GRID2: variants seen among roughly 807,000 people sequenced by gnomAD.
GRID2 encodes glutamate receptor ionotropic, delta-2.
In GRID2, 33 loss-of-function variants were observed where a neutral mutation model predicts 114.8. That is an observed-to-expected ratio of 0.29 (90% CI 0.22 to 0.38). The LOEUF (loss-of-function observed/expected upper bound fraction) is 0.38. Ranked by LOEUF, GRID2 falls within the 10% of genes least tolerant of loss-of-function variation. The probability of loss-of-function intolerance (pLI) is 1.00; values close to 1 mark genes in which losing one functional copy is unlikely to be tolerated. For synonymous variants in GRID2, 505 were observed against 449.9 expected, an observed-to-expected ratio of 1.12 and a Z score of -1.55; for missense variants, 1,184 against 1,257.7, an observed-to-expected ratio of 0.94 and a Z score of 0.89.
chr4:92,350,075 C>T (rs965113908), intron 1 of GRID2, among the ~76,000 whole-genome samples: 4 of 151,860 alleles, frequency 2.6e-5, no homozygotes, highest in African/African-American at 4.8e-5. Flanking sequence ...TATAAGTGAC[C>T]GTAGGTCAGT....
At chr4:92,438,864 A>T (rs1340890070) in intron 1 of GRID2, among the ~76,000 whole-genome samples, 1 of 152,210 alleles carries the variant, frequency 6.6e-6, no homozygotes, top group African/African-American at 2.4e-5. Flanking sequence ...CCATGAAACA[A>T]TATCAACATT....
At chr4:92,352,215 G>A (rs1728102658) in intron 1 of GRID2, among the ~76,000 whole-genome samples, 1 of 151,394 alleles carries the variant, frequency 6.6e-6, no homozygotes, top group Non-Finnish European at 1.5e-5. Context: ...ATGGCATTGT[G>A]GTTTTGATTT....
In GRID2 at chr4:92,535,815, T is replaced by C. The variant is rs185745653; in HGVS notation, c.89-54316T>C. On this transcript the variant is annotated intron_variant, in intron 1 of 15. Coordinates refer to ENST00000282020, the MANE Select transcript of GRID2 (RefSeq NM_001510.4). ...GTTCTTAAAGATGGTGTGCCAGGAG[T>C]TTCTTCCTTTTGGCGGGTTCGTCGT... 9.2e-5 allele frequency among the ~76,000 whole-genome samples: 14 copies of C among 151,844 alleles called. No homozygotes were observed. The East Asian group carries it at 2.3e-3, about 25-fold the overall frequency.
chr4:92,786,343 C>G (rs992735650), intron 2 of GRID2, among the ~76,000 whole-genome samples: 7 of 151,710 alleles, frequency 4.6e-5, no homozygotes, highest in Non-Finnish European at 1.0e-4. Context: ...CAATATTTAT[C>G]GTGATATCTG....
chr4:93,260,349 A>T (rs1257544834), intron 8 of GRID2, among the ~76,000 whole-genome samples: 4 of 151,246 alleles, frequency 2.6e-5, no homozygotes, highest in Non-Finnish European at 5.9e-5. Context: ...TACATCTATT[A>T]GGCACATTGC....
chr4:92,887,590 T>C (rs973946557), intron 2 of GRID2, among the ~76,000 whole-genome samples: 1 of 152,166 alleles, frequency 6.6e-6, no homozygotes, highest in Admixed American at 6.5e-5. Flanking sequence ...AATTGCATGA[T>C]GGTTTTCATA....
At chr4:93,241,418 C>T (rs1281673615) in intron 8 of GRID2, among the ~76,000 whole-genome samples, 1 of 151,574 alleles carries the variant, frequency 6.6e-6, no homozygotes, top group East Asian at 1.9e-4. Flanking sequence ...ACCACTATAC[C>T]ACTATACTAC....
At chr4:92,963,939 G>A (rs962552031) in intron 2 of GRID2, among the ~76,000 whole-genome samples, 6 of 151,924 alleles carry the variant, frequency 3.9e-5, no homozygotes, top group African/African-American at 1.4e-4. Context: ...TGTGAATCTC[G>A]ATCAGAGCTC....
chr4:92,909,763 C>T (rs180773957), intron 2 of GRID2, among the ~76,000 whole-genome samples: 1 of 152,178 alleles, frequency 6.6e-6, no homozygotes, highest in Non-Finnish European at 1.5e-5. Flanking sequence ...AATTAAGCAC[C>T]TATTTTTAAA....
At chr4:93,315,114 G>A (rs1756448641) in intron 8 of GRID2, among the ~76,000 whole-genome samples, 2 of 152,108 alleles carry the variant, frequency 1.3e-5, no homozygotes, top group South Asian at 4.1e-4. Context: ...GAGAGAGCAT[G>A]TAAGTATGCA....
intron 4 of GRID2, among the ~76,000 whole-genome samples, chr4:93,170,920 C>T (rs1036654501): frequency 4.0e-5 from 6 of 151,628 alleles, no homozygotes; most frequent in African/African-American, 9.7e-5. Context: ...TAAATATACT[C>T]AGAAAATAAT....
chr4:92,504,009 C>A (rs1723826563), intron 1 of GRID2, among the ~76,000 whole-genome samples: 1 of 151,960 alleles, frequency 6.6e-6, no homozygotes, highest in Non-Finnish European at 1.5e-5. Context: ...ATTTATATAT[C>A]ATTTCAAGAC....
At chr4:92,821,265 TAAG>T (rs1241789851) in intron 2 of GRID2, among the ~76,000 whole-genome samples, 1 of 152,128 alleles carries the variant, frequency 6.6e-6, no homozygotes, top group Admixed American at 6.6e-5. Context: ...AATGCGACAT[TAAG>T]AAGCACACCA....
intron 14 of GRID2, among the ~76,000 whole-genome samples, chr4:93,638,299 A>ATTTTTTTTTTTTTTTTTT (rs1446023634): frequency 2.4e-4 from 20 of 84,124 alleles, no homozygotes; most frequent in Admixed American, 5.7e-4. Context: ...TAAAACTTGC[A>ATTTTTTTTTTTTTTTTTT]TCTTTTTTTT....
At chr4:93,621,146 A>G in intron 13 of GRID2, among the ~76,000 whole-genome samples, 1 of 152,250 alleles carries the variant, frequency 6.6e-6, no homozygotes, top group Middle Eastern at 3.4e-3. Context: ...TTAAACAACA[A>G]CTGTTAAAGA....
chr4:93,100,331 T>C (rs555952907), intron 3 of GRID2, among the ~76,000 whole-genome samples: 2 of 152,014 alleles, frequency 1.3e-5, no homozygotes, highest in East Asian at 3.9e-4. Flanking sequence ...AGAAATCTAG[T>C]ATAGCATATA....
chr4:92,603,415 TAAAC>T (rs1453740569), intron 2 of GRID2, among the ~76,000 whole-genome samples: 1 of 152,080 alleles, frequency 6.6e-6, no homozygotes, highest in African/African-American at 2.4e-5. Flanking sequence ...CATTTGATCT[TAAAC>T]AAACCTGACA....
Position 93,799,230 on chromosome 4 carries a change from T to C in GRID2, c.222-7485T>C, listed in dbSNP as rs75512675. Among the ~76,000 whole-genome samples, 946 of 152,292 alleles carry C rather than the reference T, an allele frequency of 6.2e-3. 15 individuals carry two copies. The highest frequency in any genetic ancestry group is 0.022 in the African/African-American group (907 of 41,548). ...AATGCACTGTTAAGTACCATGGGTA[T>C]TGTATTTATTTATGTGACTCTAAAT... On this transcript the variant is annotated intron_variant, in intron 1 of 1. Transcript: ENST00000637838.
intron 4 of GRID2, among the ~76,000 whole-genome samples, chr4:93,154,406 G>C (rs188582153): frequency 2.6e-5 from 4 of 151,964 alleles, no homozygotes; most frequent in Admixed American, 2.6e-4. Context: ...TTCCTTCTTA[G>C]CATGAAATTT....
Sources: allele counts gnomAD v4.1 joint callset (sites outside exome capture counted in the v4.1 genomes callset), GRCh38; gene constraint gnomAD v4.1.1; transcripts MANE v1.5; gene names NCBI Gene and HGNC (gene_info 2026-07-23, HGNC 2026-07-21).